EFHD1: variants seen among roughly 807,000 people sequenced by gnomAD.
EFHD1 encodes EF-hand domain family member D1.
In EFHD1, 10 loss-of-function variants were observed where a neutral mutation model predicts 17.2. The ratio of observed to expected loss-of-function variants is 0.58; its 90% CI spans 0.36 to 0.99. EFHD1 has a LOEUF of 0.99. Ranked by LOEUF, EFHD1 falls within the 50% of genes least tolerant of loss-of-function variation. The probability of loss-of-function intolerance (pLI) is 0.01; values close to 1 mark genes in which losing one functional copy is unlikely to be tolerated. For missense variants in EFHD1, 310 were observed against 327.5 expected (o/e 0.95, Z 0.41); for synonymous variants, 153 against 142.0 (o/e 1.08, Z -0.55).
intron 2 of EFHD1, among the ~76,000 whole-genome samples, chr2:232,664,108 T>C (rs770531199): frequency 6.6e-6 from 1 of 151,210 alleles, no homozygotes; most frequent in Non-Finnish European, 1.5e-5. Flanking sequence ...AGAATAATAC[T>C]TCTTTATATT....
Position 232,633,687 on chromosome 2 carries a change from G to A in EFHD1, c.-18G>A, listed in dbSNP as rs1436922904. The A allele has an allele frequency of 2.1e-6, 3 of 1,417,748 alleles. No individual in the cohort carries two copies. The highest frequency in any genetic ancestry group is 2.5e-4 in the Middle Eastern group (1 of 3,954). The allele number at this position is 1,417,748 out of a possible 1,614,324, so 87.8% of individuals were successfully genotyped here. On this transcript the variant is annotated 5_prime_UTR_variant, in exon 1 of 4. Coordinates refer to ENST00000264059, the MANE Select transcript of EFHD1 (RefSeq NM_025202.4). ...CCGTCCCGCGTCCCCGCGTTCCCGCGTCCTGCGATCCGCCGCCATGGCCAG... is the reference window on the plus strand; with the variant it reads ...CCGTCCCGCGTCCCCGCGTTCCCGCATCCTGCGATCCGCCGCCATGGCCAG...
chr2:232,669,844 C>T (rs1299430475), intron 2 of EFHD1, among the ~76,000 whole-genome samples: 1 of 152,076 alleles, frequency 6.6e-6, no homozygotes, highest in East Asian at 1.9e-4. Flanking sequence ...CGTGATCCAC[C>T]TGCCTTGGCC....
intron 1 of EFHD1, among the ~76,000 whole-genome samples, chr2:232,610,466 T>G (rs1269066256): frequency 6.6e-6 from 1 of 152,130 alleles, no homozygotes; most frequent in Non-Finnish European, 1.5e-5. Context: ...TCTCAGCTAC[T>G]CAGGAGGCTG....
chr2:232,639,172 C>T (rs1694377042), intron 1 of EFHD1, among the ~76,000 whole-genome samples: 1 of 152,136 alleles, frequency 6.6e-6, no homozygotes, highest in South Asian at 2.1e-4. Context: ...TCTCCTCCAC[C>T]ATCCTTGTTA....
rs1427641406 is a variant in EFHD1 at position 232,628,246 on chromosome 2, A to G, written c.14+22073A>G. Among the ~76,000 whole-genome samples the G allele has an allele frequency of 3.3e-5, 5 of 152,092 alleles. No homozygotes were observed. In the South Asian group the frequency reaches 8.3e-4, roughly 25 times the overall value. On this transcript the variant is annotated intron_variant, in intron 1 of 3. Transcript: ENST00000409613. Reference sequence around the variant, plus strand: ...CAGCTAATTTTTGTATGTTTAGTAGAGACGGGGTTTCACCGTGTTGGCCAG... The same window carrying G: ...CAGCTAATTTTTGTATGTTTAGTAGGGACGGGGTTTCACCGTGTTGGCCAG...
chr2:232,667,489 G>T (rs982721602), intron 2 of EFHD1, among the ~76,000 whole-genome samples: 1 of 152,100 alleles, frequency 6.6e-6, no homozygotes, highest in Non-Finnish European at 1.5e-5. Context: ...AGGCCACTGT[G>T]TCTCGTCCTT....
intron 1 of EFHD1, chr2:232,661,800 A>G (rs895160055): frequency 6.6e-6 from 1 of 152,026 alleles, no homozygotes; most frequent in African/African-American, 2.4e-5. Context: ...ACCTCAGGTG[A>G]TCCGCCCGCC....
chr2:232,673,693 C>T (rs539826492), intron 3 of EFHD1, among the ~76,000 whole-genome samples: 1 of 152,226 alleles, frequency 6.6e-6, no homozygotes, highest in South Asian at 2.1e-4. Flanking sequence ...TTTCAAGGCA[C>T]CCTTACATGC....
At chr2:232,653,758 T>A (rs1485623533) in intron 1 of EFHD1, among the ~76,000 whole-genome samples, 1 of 152,260 alleles carries the variant, frequency 6.6e-6, no homozygotes, top group East Asian at 1.9e-4. Flanking sequence ...CATGGTCATA[T>A]CTCCACACTC....
At chr2:232,638,561 T>C (rs1055820742) in intron 1 of EFHD1, 8 of 423,174 alleles carry the variant, frequency 1.9e-5, no homozygotes, top group Admixed American at 1.8e-4. Context: ...TAGTCTTGTC[T>C]CTAAAGGAGA....
intron 1 of EFHD1, among the ~76,000 whole-genome samples, chr2:232,635,292 C>G (rs1250741707): frequency 1.3e-5 from 2 of 152,230 alleles, no homozygotes. Context: ...TGCTCCCAGA[C>G]CCCACCAGTT....
intron 1 of EFHD1, among the ~76,000 whole-genome samples, chr2:232,627,646 C>T (rs540692975): frequency 1.3e-5 from 2 of 152,252 alleles, no homozygotes; most frequent in Admixed American, 1.3e-4. Flanking sequence ...TGATATCTAA[C>T]TATCTTCTAT....
upstream of EFHD1, among the ~76,000 whole-genome samples, chr2:232,632,341 G>A (rs548721894): frequency 6.6e-6 from 1 of 152,200 alleles, no homozygotes; most frequent in East Asian, 1.9e-4. Flanking sequence ...CCCTGCACTC[G>A]CATGCCAAAG....
In EFHD1 at chr2:232,633,848, G is replaced by A. The variant is rs919125354; in HGVS notation, c.144G>A (p.Thr48=). ...PEPEPPARAP[T]ASADAELSAQ... ...CCGAGCCTCCCGCCCGTGCGCCCAC[G>A]GCCAGCGCCGACGCGGAGCTGAGCG... Residue 48 remains threonine (T), a synonymous_variant, in exon 1 of 4, where the codon ACG becomes ACA. Coordinates refer to ENST00000264059, the MANE Select transcript of EFHD1 (RefSeq NM_025202.4). The A allele has an allele frequency of 2.0e-6, 3 of 1,499,164 alleles. No homozygotes were observed. The highest frequency in any genetic ancestry group is 1.8e-6 in the Non-Finnish European group (2 of 1,132,760). 92.9% of individuals were successfully genotyped at this position (1,499,164 alleles called of 1,614,324 possible).
upstream of EFHD1, among the ~76,000 whole-genome samples, chr2:232,631,347 C>G (rs963914551): frequency 6.6e-6 from 1 of 151,842 alleles, no homozygotes; most frequent in Non-Finnish European, 1.5e-5. Flanking sequence ...ACCACCCAGG[C>G]TAGAGTGCAG....
chr2:232,634,103 G>T, intron 1 of EFHD1, 97 bp downstream of exon 1: 1 of 1,513,748 alleles, frequency 6.6e-7, no homozygotes, highest in Non-Finnish European at 8.8e-7. Flanking sequence ...GTGGGGAGGG[G>T]TCCCGGGGTG....
chr2:232,662,283 A>G (rs1694885972), intron 1 of EFHD1, among the ~76,000 whole-genome samples: 1 of 151,998 alleles, frequency 6.6e-6, no homozygotes. Flanking sequence ...AGCCAGAGTC[A>G]TGATTCCGCA....
At chr2:232,645,048 T>C (rs1694503899) in intron 1 of EFHD1, among the ~76,000 whole-genome samples, 1 of 151,506 alleles carries the variant, frequency 6.6e-6, no homozygotes, top group African/African-American at 2.4e-5. Context: ...CCTAAAATGC[T>C]GGCATTAGAG....
At chr2:232,624,427 C>T (rs1694073294) in intron 1 of EFHD1, among the ~76,000 whole-genome samples, 1 of 152,244 alleles carries the variant, frequency 6.6e-6, no homozygotes, top group Admixed American at 6.5e-5. Flanking sequence ...TTTAAAAGCT[C>T]CCCTATTCTT....
Sources: gnomAD v4.1 joint callset for allele counts (sites outside exome capture counted in the v4.1 genomes callset) on GRCh38, gnomAD v4.1.1 for gene constraint, MANE v1.5 for transcripts, NCBI Gene and HGNC (gene_info 2026-07-23, HGNC 2026-07-21) for gene names.